PPM1L: variants seen among roughly 807,000 people sequenced by gnomAD.
PPM1L encodes the protein protein phosphatase, Mg2+/Mn2+ dependent 1L.
PPM1L carries 13 observed loss-of-function variants against 31.4 expected under a neutral mutation model. That is an observed-to-expected ratio of 0.41 (90% CI 0.27 to 0.66). The LOEUF (loss-of-function observed/expected upper bound fraction) is 0.66, where lower values mean the gene tolerates loss of function less well. PPM1L is among the 30% of genes least tolerant of loss of function. The probability of loss-of-function intolerance (pLI) is 0.29; values close to 1 mark genes in which losing one functional copy is unlikely to be tolerated. For missense variants in PPM1L, 326 were observed against 453.7 expected (o/e 0.72, Z 2.56); for synonymous variants, 184 against 175.4 (o/e 1.05, Z -0.39).
At chr3:161,062,781 G>T (rs1367142735) in intron 2 of PPM1L, among the ~76,000 whole-genome samples, 1 of 152,200 alleles carries the variant, frequency 6.6e-6, no homozygotes, top group East Asian at 1.9e-4. Context: ...TGGGGAAGGG[G>T]CCTTTAACTC....
chr3:160,939,578 G>T (rs1715093358), intron 1 of PPM1L: 7 of 152,518 alleles, frequency 4.6e-5, no homozygotes. Flanking sequence ...TCATGATAGA[G>T]AATAAGTCAC....
intron 2 of PPM1L, among the ~76,000 whole-genome samples, chr3:161,030,083 A>G (rs1718515780): frequency 2.0e-5 from 3 of 152,098 alleles, no homozygotes; most frequent in Admixed American, 2.0e-4. Context: ...AATTTTACAG[A>G]CTGTCTCCTA....
intron 1 of PPM1L, among the ~76,000 whole-genome samples, chr3:160,958,790 CT>C: frequency 6.6e-6 from 1 of 152,130 alleles, no homozygotes; most frequent in African/African-American, 2.4e-5. Flanking sequence ...TTACCTTTGG[CT>C]ACTCTAGGGG....
intron 2 of PPM1L, among the ~76,000 whole-genome samples, chr3:161,002,389 T>C (rs1326779133): frequency 3.9e-5 from 6 of 152,198 alleles, no homozygotes; most frequent in Non-Finnish European, 8.8e-5. Context: ...TATTTCTAGA[T>C]CTAGATCCCT....
At chr3:160,958,123 T>C (rs1715840733) in intron 1 of PPM1L, among the ~76,000 whole-genome samples, 1 of 152,216 alleles carries the variant, frequency 6.6e-6, no homozygotes, top group African/African-American at 2.4e-5. Context: ...TTTACTCTGA[T>C]GATGGTTTCT....
intron 1 of PPM1L, among the ~76,000 whole-genome samples, chr3:160,931,715 A>G (rs956841124): frequency 6.6e-6 from 1 of 152,200 alleles, no homozygotes; most frequent in Non-Finnish European, 1.5e-5. Flanking sequence ...ATTAAATACC[A>G]TTAGTCAGTA....
At chr3:160,957,338 A>G (rs1455886344) in intron 1 of PPM1L, among the ~76,000 whole-genome samples, 1 of 152,112 alleles carries the variant, frequency 6.6e-6, no homozygotes, top group Non-Finnish European at 1.5e-5. Flanking sequence ...TGTCTTTGCT[A>G]TTGTGAATTG....
chr3:161,067,934 C>T (rs753851232), intron 3 of PPM1L, among the ~76,000 whole-genome samples: 5 of 152,188 alleles, frequency 3.3e-5, no homozygotes, highest in Non-Finnish European at 7.3e-5. Context: ...CCACTTTGTG[C>T]TTATTGTATT....
rs1354658365 is a variant in PPM1L, at chr3:160,906,842, G to A, written c.400-54894G>A. On this transcript the variant is annotated intron_variant, in intron 1 of 3. Coordinates refer to ENST00000498165, the MANE Select transcript of PPM1L (RefSeq NM_139245.4). Reference sequence around the variant, plus strand: ...ATTTCTCACTGTTTGTTGGCTGGGGGCCTCCCTTGGTTCCTTGCCACATAA... The same window carrying A: ...ATTTCTCACTGTTTGTTGGCTGGGGACCTCCCTTGGTTCCTTGCCACATAA... 2.0e-5 allele frequency among the ~76,000 whole-genome samples: 3 copies of A among 152,168 alleles called. No homozygotes were observed. In the East Asian group the frequency reaches 5.8e-4, roughly 29 times the overall value.
chr3:160,841,061 C>G (rs1713864781), intron 1 of PPM1L, among the ~76,000 whole-genome samples: 1 of 152,106 alleles, frequency 6.6e-6, no homozygotes, highest in African/African-American at 2.4e-5. Context: ...AATACATGAA[C>G]CTGGAATTGT....
intron 1 of PPM1L, among the ~76,000 whole-genome samples, chr3:160,891,359 A>C (rs1469123065): frequency 6.6e-6 from 1 of 152,238 alleles, no homozygotes; most frequent in African/African-American, 2.4e-5. Context: ...TGTCTTCTTG[A>C]AAGAAGACAT....
chr3:160,822,410 G>T (rs2108091687), intron 1 of PPM1L, among the ~76,000 whole-genome samples: 1 of 151,980 alleles, frequency 6.6e-6, no homozygotes, highest in East Asian at 1.9e-4. Context: ...GGTCCTTGAA[G>T]AAAAAGTTCC....
At chr3:160,964,100 C>T (rs1716057461) in intron 2 of PPM1L, among the ~76,000 whole-genome samples, 1 of 151,870 alleles carries the variant, frequency 6.6e-6, no homozygotes, top group Admixed American at 6.6e-5. Flanking sequence ...CTAGTTAATG[C>T]CACTAGTGAT....
chr3:160,945,831 C>A (rs1384403680), intron 1 of PPM1L, among the ~76,000 whole-genome samples: 4 of 152,104 alleles, frequency 2.6e-5, no homozygotes, highest in Non-Finnish European at 5.9e-5. Context: ...TTATGATGAT[C>A]CACTTACACT....
chr3:160,905,838 C>G (rs1713736577), intron 1 of PPM1L, among the ~76,000 whole-genome samples: 1 of 152,052 alleles, frequency 6.6e-6, no homozygotes. Context: ...TAGAACTAGA[C>G]AAAACATTTT....
At chr3:160,851,681 T>G (rs1473453787) in intron 1 of PPM1L, among the ~76,000 whole-genome samples, 2 of 152,098 alleles carry the variant, frequency 1.3e-5, no homozygotes, top group Non-Finnish European at 2.9e-5. Context: ...ACCGAGAGTA[T>G]GCCTTGAGTA....
chr3:160,881,538 A>G (rs1221048370), intron 1 of PPM1L, among the ~76,000 whole-genome samples: 1 of 152,188 alleles, frequency 6.6e-6, no homozygotes, highest in Non-Finnish European at 1.5e-5. Flanking sequence ...CTTTCTTAAG[A>G]TGGTGGAATC....
chr3:160,948,377 C>T (rs867114099), intron 1 of PPM1L, among the ~76,000 whole-genome samples: 1 of 152,152 alleles, frequency 6.6e-6, no homozygotes, highest in African/African-American at 2.4e-5. Flanking sequence ...TGCAACACTG[C>T]CGGTGATGCT....
intron 1 of PPM1L, among the ~76,000 whole-genome samples, chr3:160,947,290 G>A (rs1715439072): frequency 6.6e-6 from 1 of 152,178 alleles, no homozygotes; most frequent in African/African-American, 2.4e-5. Context: ...CCAATGGCCG[G>A]TATCTAGCAC....
Sources: allele counts gnomAD v4.1 joint callset (sites outside exome capture counted in the v4.1 genomes callset), GRCh38; gene constraint gnomAD v4.1.1; transcripts MANE v1.5; gene names NCBI Gene and HGNC (gene_info 2026-07-23, HGNC 2026-07-21).